The following PPFIBP1 variants were observed in gnomAD, a reference collection of about 807,000 sequenced individuals.
The protein encoded by PPFIBP1 is PPFIB scaffold protein 1, also known as liprin-beta-1.
PPFIBP1 carries 112 observed loss-of-function variants against 137.8 expected under a neutral mutation model. The observed-to-expected ratio is 0.81, with a 90% CI of 0.70 to 0.95. PPFIBP1 has a LOEUF of 0.95. PPFIBP1 is among the 40% of genes least tolerant of loss of function. PPFIBP1 has a pLI of 0.00. For synonymous variants in PPFIBP1, 378 were observed against 417.3 expected, an observed-to-expected ratio of 0.91 and a Z score of 1.15; for missense variants, 1,083 against 1,196.6, an observed-to-expected ratio of 0.91 and a Z score of 1.40.
chr12:27,670,211 G>A (rs933276407), intron 13 of PPFIBP1, among the ~76,000 whole-genome samples: 1 of 152,020 alleles, frequency 6.6e-6, no homozygotes, highest in Non-Finnish European at 1.5e-5. Flanking sequence ...ATTGAAAACT[G>A]AAGTATTAAA....
chr12:27,573,374 A>G (rs2136721717), intron 1 of PPFIBP1, among the ~76,000 whole-genome samples: 1 of 152,282 alleles, frequency 6.6e-6, no homozygotes, highest in South Asian at 2.1e-4. Flanking sequence ...AAGATCTAAG[A>G]AGCCAAAACC....
At chr12:27,553,411 G>T (rs916590656) in intron 1 of PPFIBP1, among the ~76,000 whole-genome samples, 2 of 152,094 alleles carry the variant, frequency 1.3e-5, no homozygotes, top group Admixed American at 1.3e-4. Flanking sequence ...CCCCTGCCCC[G>T]CAGGAGCCAA....
At chr12:27,684,349 T>C (rs986233420) in intron 24 of PPFIBP1, among the ~76,000 whole-genome samples, 3 of 152,114 alleles carry the variant, frequency 2.0e-5, no homozygotes, top group African/African-American at 7.2e-5. Context: ...CCTCAGGAGA[T>C]CCACCTGCCT....
intron 2 of PPFIBP1, among the ~76,000 whole-genome samples, chr12:27,606,669 G>A (rs7978364): frequency 0.12 from 17,745 of 152,196 alleles, 1,687 homozygotes; most frequent in African/African-American, 0.26. Flanking sequence ...AATCAATTCC[G>A]TAAGTTTGGG....
At chr12:27,543,741 A>G (rs560129426) in intron 1 of PPFIBP1, among the ~76,000 whole-genome samples, 1 of 152,310 alleles carries the variant, frequency 6.6e-6, no homozygotes, top group East Asian at 1.9e-4. Context: ...ACCGTTGGCT[A>G]AATCTTATAA....
intron 2 of PPFIBP1, among the ~76,000 whole-genome samples, chr12:27,613,389 A>C (rs1181610510): frequency 6.6e-6 from 1 of 152,204 alleles, no homozygotes; most frequent in Non-Finnish European, 1.5e-5. Context: ...ATCAGAGCTT[A>C]GATGTAAGGA....
intron 1 of PPFIBP1, chr12:27,538,011 A>C (rs1188579207): frequency 1.3e-5 from 2 of 152,004 alleles, no homozygotes; most frequent in Non-Finnish European, 2.9e-5. Context: ...TTTTAGGAGA[A>C]ATATTTCTTA....
At chr12:27,653,027 A>G (rs1649473463) in intron 7 of PPFIBP1, among the ~76,000 whole-genome samples, 1 of 152,324 alleles carries the variant, frequency 6.6e-6, no homozygotes, top group Middle Eastern at 3.4e-3. Flanking sequence ...TTGTATAACT[A>G]TGATAGGTAA....
At chr12:27,563,277 T>TAAAAAAAAAAAAAAAAAAA (rs869044515) in intron 1 of PPFIBP1, among the ~76,000 whole-genome samples, 3 of 22,174 alleles carry the variant, frequency 1.4e-4, no homozygotes, top group Non-Finnish European at 2.1e-4. Flanking sequence ...CCATCTCTAC[T>TAAAAAAAAAAAAAAAAAAA]AAAAAAAAAA....
At chr12:27,670,801 A>AATAATG (rs2060144125) in intron 13 of PPFIBP1, among the ~76,000 whole-genome samples, 2 of 148,332 alleles carry the variant, frequency 1.3e-5, no homozygotes, top group South Asian at 2.1e-4. Flanking sequence ...AAAAAATAAT[A>AATAATG]ATAATAATAA....
chr12:27,671,085 T>A (rs2060168695), intron 13 of PPFIBP1, among the ~76,000 whole-genome samples: 1 of 151,998 alleles, frequency 6.6e-6, no homozygotes. Context: ...AGGAGACTGC[T>A]TGAGCCGAGG....
Position 27,647,734 on chromosome 12 carries a change from T to C in PPFIBP1, c.363T>C (p.Ser121=), listed in dbSNP as rs146644142. 1,304 of 1,598,764 alleles carry C rather than the reference T, an allele frequency of 8.2e-4. 6 individuals are homozygous for C. Among genetic ancestry groups the C allele is most frequent in the Non-Finnish European group, 5.7e-4 (669 of 1,172,882 alleles). The change falls in exon 6 of 30, where the codon AGT becomes AGC. Residue 121 remains serine, a synonymous_variant. Transcript: ENST00000228425. ...TTATTTTGCTCTAAATACAGGTAAG[T>C]GTGTTAACAGACCAGGTGGAGGCTC... ...NDKESLVLQV[S]VLTDQVEAQG...
chr12:27,674,165 C>T (rs750514742), intron 16 of PPFIBP1, 27 bp from the exon 17 acceptor site: 12 of 1,565,638 alleles, frequency 7.7e-6, no homozygotes, highest in African/African-American at 1.4e-5. Flanking sequence ...CCCTAACAAC[C>T]TTAAATATTG....
chr12:27,567,247 G>A (rs904299456), intron 1 of PPFIBP1, among the ~76,000 whole-genome samples: 1 of 152,214 alleles, frequency 6.6e-6, no homozygotes, highest in African/African-American at 2.4e-5. Context: ...GAAAAAAGAT[G>A]AAGAAGGAAC....
At chr12:27,690,176 AT>A (rs144276112) in intron 27 of PPFIBP1, among the ~76,000 whole-genome samples, 18,676 of 147,078 alleles carry the variant, frequency 0.13, 1,364 homozygotes, top group Non-Finnish European at 0.17. Context: ...TCCTACTCGG[AT>A]TTTTTTTTTT....
chr12:27,536,395 G>C (rs544942072), intron 1 of PPFIBP1, among the ~76,000 whole-genome samples: 1 of 152,338 alleles, frequency 6.6e-6, no homozygotes, highest in South Asian at 2.1e-4. Flanking sequence ...GCCAGCATCT[G>C]CTTCTGGCGA....
chr12:27,545,773 A>G (rs1040639927), intron 1 of PPFIBP1, among the ~76,000 whole-genome samples: 2 of 152,234 alleles, frequency 1.3e-5, no homozygotes, highest in African/African-American at 4.8e-5. Flanking sequence ...GACTAGGGAC[A>G]GAAGGCTTTC....
At chr12:27,568,850 T>C (rs2049906586) in intron 1 of PPFIBP1, among the ~76,000 whole-genome samples, 1 of 152,200 alleles carries the variant, frequency 6.6e-6, no homozygotes, top group Admixed American at 6.5e-5. Flanking sequence ...ACATTGTATA[T>C]GTATTCACCA....
intron 2 of PPFIBP1, among the ~76,000 whole-genome samples, chr12:27,617,514 G>A (rs569183354): frequency 6.6e-6 from 1 of 152,268 alleles, no homozygotes; most frequent in Non-Finnish European, 1.5e-5. Flanking sequence ...ATCCATGGAG[G>A]ATTGGTTCTA....
Sources: gnomAD v4.1 joint callset for allele counts (sites outside exome capture counted in the v4.1 genomes callset) on GRCh38, gnomAD v4.1.1 for gene constraint, MANE v1.5 for transcripts, NCBI Gene and HGNC (gene_info 2026-07-23, HGNC 2026-07-21) for gene names.